The following CFAP47 variants were observed in gnomAD, a reference collection of about 807,000 sequenced individuals.
CFAP47 encodes cilia and flagella associated protein 47, also known as cilia- and flagella-associated protein 47.
In CFAP47, 29 loss-of-function variants were observed where a neutral mutation model predicts 148.1. The observed-to-expected ratio is 0.20, with a 90% CI of 0.15 to 0.27. The LOEUF (loss-of-function observed/expected upper bound fraction) is 0.27. CFAP47 is among the 10% of genes least tolerant of loss of function. The pLI, the probability that CFAP47 is intolerant of heterozygous loss-of-function variation, is 1.00. For missense variants in CFAP47, 1,872 were observed against 1,697.5 expected, an observed-to-expected ratio of 1.10 and a Z score of -1.81; for synonymous variants, 664 against 577.3, an observed-to-expected ratio of 1.15 and a Z score of -2.15.
chrX:36,093,771 C>T (rs986735404), intron 30 of CFAP47, among the ~76,000 whole-genome samples: 2 of 110,960 alleles, frequency 1.8e-5, no homozygotes, highest in Non-Finnish European at 3.8e-5. Flanking sequence ...TGTTTGAGCG[C>T]CTTATATATT....
At chrX:35,922,736 T>C (rs1178086887) in intron 1 of CFAP47, among the ~76,000 whole-genome samples, 1 of 112,609 alleles carries the variant, frequency 8.9e-6, no homozygotes, top group Non-Finnish European at 1.9e-5. Flanking sequence ...CTTCTCTATA[T>C]CCTTAATTGC....
At chrX:35,967,383 C>T (rs1381272000) in intron 9 of CFAP47, among the ~76,000 whole-genome samples, 2 of 110,678 alleles carry the variant, frequency 1.8e-5, no homozygotes, top group African/African-American at 3.3e-5. Context: ...AAACCTAAAT[C>T]CTTCAAGTTA....
chrX:35,972,763 A>T (rs184189745), intron 13 of CFAP47, among the ~76,000 whole-genome samples: 1 of 111,547 alleles, frequency 9.0e-6, no homozygotes. Context: ...TTGTTTATCA[A>T]TTCCCCAGTT....
intron 59 of CFAP47, among the ~76,000 whole-genome samples, chrX:36,350,944 A>T (rs1331698050): frequency 4.5e-5 from 5 of 111,448 alleles, no homozygotes; most frequent in Non-Finnish European, 9.4e-5. Context: ...ATTTATTTTG[A>T]ATCTCCCCCT....
chrX:36,131,400 G>A (rs972174976), intron 33 of CFAP47, among the ~76,000 whole-genome samples: 5 of 110,376 alleles, frequency 4.5e-5, no homozygotes, highest in Non-Finnish European at 9.5e-5. Context: ...ATGGGGGCAG[G>A]GAGTATATGG....
At chrX:36,050,988 C>T (rs1007034524) in intron 26 of CFAP47, among the ~76,000 whole-genome samples, 3 of 112,415 alleles carry the variant, frequency 2.7e-5, no homozygotes, top group African/African-American at 6.5e-5. Context: ...TGGTTTTGAA[C>T]CTGCAGGTGC....
chrX:35,977,092 C>T (rs1017732338), intron 15 of CFAP47, among the ~76,000 whole-genome samples: 1 of 111,809 alleles, frequency 8.9e-6, no homozygotes. Context: ...ATGATCAATA[C>T]GGTATCTTTG....
At chrX:36,299,810 T>C (rs6629071) in intron 52 of CFAP47, among the ~76,000 whole-genome samples, 19,877 of 111,416 alleles carry the variant, frequency 0.18, 1,372 homozygotes, top group South Asian at 0.31. Context: ...ATAACTCTTA[T>C]TGGTGCTTCA....
intron 7 of CFAP47, among the ~76,000 whole-genome samples, chrX:35,954,384 C>T (rs1351925874): frequency 9.0e-6 from 1 of 111,085 alleles, no homozygotes; most frequent in East Asian, 2.8e-4. Context: ...GATTAGATCA[C>T]CATCCTGGAT....
At position 36,321,497 on chromosome X, in the gene CFAP47, A is replaced by T. The variant is rs137930889; in HGVS notation, c.8443+2190A>T. ...AGTGACTATAGTAAAAAATAATTTA[A>T]TTGTACATTTAAAAATAACTGAAAG... On this transcript the variant is annotated intron_variant, in intron 57 of 63. Transcript: ENST00000378653. Among the ~76,000 whole-genome samples, 725 of 111,562 alleles carry T rather than the reference A, an allele frequency of 6.5e-3. 9 individuals carry two copies. Among genetic ancestry groups the T allele is most frequent in the African/African-American group, 0.022 (672 of 30,768 alleles).
At chrX:36,369,198 A>G (rs969332429) in intron 62 of CFAP47, among the ~76,000 whole-genome samples, 6 of 111,210 alleles carry the variant, frequency 5.4e-5, no homozygotes, top group Admixed American at 1.9e-4. Flanking sequence ...GGATAAATGC[A>G]GTTGTCAGAA....
chrX:36,347,088 G>T (rs1383714103), intron 57 of CFAP47, among the ~76,000 whole-genome samples: 1 of 111,530 alleles, frequency 9.0e-6, no homozygotes, highest in African/African-American at 3.3e-5. Context: ...AAATTTATAA[G>T]AAAAAAACAA....
At chrX:36,071,690 A>T (rs1266066402) in intron 27 of CFAP47, 135 bp from the exon 28 acceptor site, 1 of 428,206 alleles carries the variant, frequency 2.3e-6, no homozygotes, top group Non-Finnish European at 3.6e-6. Flanking sequence ...CTTTTTTTTT[A>T]CTTTGTCATA....
At chrX:36,312,381 G>A (rs1242936468) in intron 56 of CFAP47, among the ~76,000 whole-genome samples, 1 of 110,815 alleles carries the variant, frequency 9.0e-6, no homozygotes, top group East Asian at 2.8e-4. Context: ...ATAACTGTTG[G>A]AGAAAAAGGA....
chrX:36,376,499 T>C (rs1556022983), intron 62 of CFAP47, among the ~76,000 whole-genome samples: 1 of 111,378 alleles, frequency 9.0e-6, no homozygotes, highest in Non-Finnish European at 1.9e-5. Flanking sequence ...AGCCTTCTTT[T>C]TCTTTCCCTA....
At position 35,971,784 on chromosome X, in the gene CFAP47, G is replaced by A; in HGVS notation, c.2157+12G>A. The A allele has an allele frequency of 8.3e-7, 1 of 1,199,473 alleles. No homozygotes were observed. The highest frequency in any genetic ancestry group is 1.1e-6 in the Non-Finnish European group (1 of 886,592). On this transcript the variant is annotated intron_variant, in intron 12 of 63. Coordinates refer to ENST00000378653, the MANE Select transcript of CFAP47 (RefSeq NM_001304548.2). ...CTGTGAGAAGAAAGGCACGTGCAAT[G>A]TTTTACATTTGGTTATTCCACGAGA...
intron 39 of CFAP47, among the ~76,000 whole-genome samples, chrX:36,175,331 G>A (rs146096340): frequency 1.1e-3 from 128 of 112,261 alleles, no homozygotes; most frequent in African/African-American, 3.7e-3. Context: ...TCTTTGTTCC[G>A]TTGCTGTTGA....
At chrX:36,279,612 CTTTAA>C (rs1425365615) in intron 49 of CFAP47, among the ~76,000 whole-genome samples, 1 of 112,052 alleles carries the variant, frequency 8.9e-6, no homozygotes, top group Non-Finnish European at 1.9e-5. Flanking sequence ...AGAATATAAA[CTTTAA>C]TTTAAAAATT....
intron 1 of CFAP47, among the ~76,000 whole-genome samples, chrX:35,924,372 C>T (rs910172584): frequency 9.8e-6 from 1 of 102,422 alleles, no homozygotes; most frequent in Non-Finnish European, 2.0e-5. Flanking sequence ...TGTATATGTG[C>T]ATATATGCAC....
Sources: gnomAD v4.1 joint callset for allele counts (sites outside exome capture counted in the v4.1 genomes callset) on GRCh38, gnomAD v4.1.1 for gene constraint, MANE v1.5 for transcripts, NCBI Gene and HGNC (gene_info 2026-07-23, HGNC 2026-07-21) for gene names.